SDAD1: variants seen among roughly 807,000 people sequenced by gnomAD.
SDAD1 encodes the protein SDA1 domain containing 1, also known as protein SDA1 homolog.
Under a neutral mutation model 100.3 loss-of-function variants are expected in SDAD1, and 79 were observed. That is an observed-to-expected ratio of 0.79 (90% CI 0.66 to 0.95). The LOEUF (loss-of-function observed/expected upper bound fraction) is 0.95, where lower values mean the gene tolerates loss of function less well. Ranked by LOEUF, SDAD1 falls within the 40% of genes least tolerant of loss-of-function variation. SDAD1 has a pLI of 0.00. For synonymous variants in SDAD1, 267 were observed against 271.4 expected (o/e 0.98, Z 0.16); for missense variants, 790 against 810.9 (o/e 0.97, Z 0.31).
rs1729414106 is a variant in SDAD1, at chr4:75,964,272, A to G, written c.1105-61T>C. On this transcript the variant is annotated intron_variant, in intron 13 of 21. Coordinates refer to ENST00000356260, the MANE Select transcript of SDAD1 (RefSeq NM_018115.4). The stretch of plus-strand genomic sequence containing the variant: ...AAATGTCTGCATACACAAACACATA[A>G]GAATGAAAGGACAATAGATTATTCA... 2.8e-6 allele frequency: 3 copies of G among 1,077,588 alleles called. No individual in the cohort carries two copies. In the East Asian group the frequency reaches 7.4e-5, roughly 27 times the overall value. The allele number at this position is 1,077,588 out of a possible 1,614,324, so 66.8% of individuals were successfully genotyped here.
chr4:75,974,043 A>G, intron 7 of SDAD1, 33 bp downstream of exon 7: 1 of 1,592,694 alleles, frequency 6.3e-7, no homozygotes, highest in Non-Finnish European at 8.6e-7. Flanking sequence ...CCATCCACAG[A>G]CAGAGCTTAC....
intron 4 of SDAD1, among the ~76,000 whole-genome samples, chr4:75,977,021 A>C (rs9992952): frequency 0.67 from 101,755 of 152,028 alleles, 34,900 homozygotes; most frequent in East Asian, 0.93. Context: ...AAACTCCTGG[A>C]CTCAAGTGAT....
intron 3 of SDAD1, among the ~76,000 whole-genome samples, chr4:75,978,079 C>T (rs534803084): frequency 2.3e-4 from 35 of 152,196 alleles, no homozygotes; most frequent in African/African-American, 7.9e-4. Flanking sequence ...TGTCATCATA[C>T]GGCAAAACCC....
At chr4:75,990,638 CTAACAGAAGAA>C in intron 1 of SDAD1, 103 bp downstream of exon 1, 2 of 1,599,806 alleles carry the variant, frequency 1.3e-6, no homozygotes, top group Non-Finnish European at 1.7e-6. Context: ...ACCCCTGAAC[CTAACAGAAGAA>C]TAGGCGGCGA....
At chr4:75,986,606 A>G (rs1232316781) in intron 1 of SDAD1, among the ~76,000 whole-genome samples, 1 of 152,092 alleles carries the variant, frequency 6.6e-6, no homozygotes, top group Non-Finnish European at 1.5e-5. Context: ...ATGTCACTCA[A>G]TCAAGGTCTT....
intron 6 of SDAD1, among the ~76,000 whole-genome samples, chr4:75,975,513 A>G (rs1169795673): frequency 6.6e-6 from 1 of 152,172 alleles, no homozygotes; most frequent in Non-Finnish European, 1.5e-5. Flanking sequence ...TCTGTTCTCA[A>G]GTTGTTCTAA....
chr4:75,969,540 C>A (rs1729746118), intron 10 of SDAD1, 141 bp from the exon 11 acceptor site: 2 of 558,470 alleles, frequency 3.6e-6, no homozygotes, highest in Admixed American at 6.5e-5. Flanking sequence ...GTAATGGTGC[C>A]CAAAGTTAAG....
Position 75,950,160 on chromosome 4 carries a change from C to G in SDAD1, c.*590G>C, listed in dbSNP as rs975166513. 7.1e-6 allele frequency: 1 copy of G among 141,370 alleles called. No individual in the cohort carries two copies. Among genetic ancestry groups the G allele is most frequent in the Non-Finnish European group, 1.5e-5 (1 of 65,704 alleles). The allele number at this position is 141,370 out of a possible 1,614,324, so 8.8% of individuals were successfully genotyped here. ...GGGGGGGGGGGGGTCACTTAAATCT[C>G]TTGGATTGACTAAAAGAGCTAAATT... On this transcript the variant is annotated 3_prime_UTR_variant, in exon 22 of 22. Transcript: ENST00000356260.
chr4:75,974,192 C>A (rs1730025320), intron 6 of SDAD1, 59 bp from the exon 7 acceptor site: 2 of 1,275,538 alleles, frequency 1.6e-6, no homozygotes, highest in Non-Finnish European at 2.3e-6. Flanking sequence ...TTTCATAGCA[C>A]AGACAATGGC....
chr4:75,981,719 T>G (rs141440599), intron 2 of SDAD1, among the ~76,000 whole-genome samples: 57 of 152,314 alleles, frequency 3.7e-4, no homozygotes, highest in African/African-American at 1.3e-3. Flanking sequence ...AAAAAAATAG[T>G]CTTAAAGTTT....
intron 3 of SDAD1, chr4:75,980,956 T>A (rs778359894): frequency 6.3e-6 from 1 of 158,720 alleles, no homozygotes; most frequent in Non-Finnish European, 1.4e-5. Flanking sequence ...TCAAACTGAC[T>A]GTCTAATGGG....
At chr4:75,973,471 A>C (rs1729982759) in intron 7 of SDAD1, 80 bp from the exon 8 acceptor site, 2 of 964,306 alleles carry the variant, frequency 2.1e-6, no homozygotes, top group Non-Finnish European at 3.3e-6. Flanking sequence ...TGCTTTATAC[A>C]TGTGCATGAA....
In SDAD1 at chr4:75,960,123, T is replaced by C. The variant is rs773128775; in HGVS notation, c.1426A>G (p.Ile476Val). ...EYGELDAKDYIPGAEVLEVEK... is the reference protein window; with the variant it reads ...EYGELDAKDYVPGAEVLEVEK... ...ACTTCCAGAACTTCTGCTCCTGGAATGTAATCTTTAGCATCTAATTCTCCA... is the reference window on the plus strand; with the variant it reads ...ACTTCCAGAACTTCTGCTCCTGGAACGTAATCTTTAGCATCTAATTCTCCA... The change falls in exon 17 of 22, where the codon ATT (isoleucine) becomes GTT (valine). Residue 476 changes from isoleucine to valine, a missense_variant. By Grantham distance (29) the Ile-to-Val change is conservative. Coordinates refer to ENST00000356260, the MANE Select transcript of SDAD1 (RefSeq NM_018115.4). 3 of 1,612,018 alleles carry C rather than the reference T, an allele frequency of 1.9e-6. No individual in the cohort carries two copies. The highest frequency in any genetic ancestry group is 2.5e-6 in the Non-Finnish European group (3 of 1,179,462).
At chr4:75,959,558 C>T (rs1359825938) in intron 17 of SDAD1, among the ~76,000 whole-genome samples, 2 of 151,664 alleles carry the variant, frequency 1.3e-5, no homozygotes, top group South Asian at 2.1e-4. Flanking sequence ...GAGCTGAGAT[C>T]GTACCACTGC....
intron 10 of SDAD1, among the ~76,000 whole-genome samples, chr4:75,969,727 C>T (rs912494032): frequency 2.0e-5 from 3 of 152,152 alleles, no homozygotes; most frequent in Non-Finnish European, 4.4e-5. Flanking sequence ...CCCCACCTCC[C>T]CAGGTGATCT....
chr4:75,964,068 T>C, intron 14 of SDAD1, 67 bp downstream of exon 14: 5 of 1,036,674 alleles, frequency 4.8e-6, no homozygotes, highest in Admixed American at 3.6e-5. Context: ...TCTTACATCT[T>C]GGTAACTTAT....
intron 10 of SDAD1, among the ~76,000 whole-genome samples, chr4:75,969,610 C>T (rs557848358): frequency 5.9e-5 from 9 of 152,240 alleles, no homozygotes; most frequent in East Asian, 1.9e-4. Context: ...GACAGGTGCT[C>T]GCTTCACTTA....
At chr4:75,972,664 T>TA (rs397690523) in intron 8 of SDAD1, among the ~76,000 whole-genome samples, 19 of 151,106 alleles carry the variant, frequency 1.3e-4, no homozygotes, top group Admixed American at 5.9e-4. Flanking sequence ...TTTTTTTTTT[T>TA]AGAAATTCTT....
intron 1 of SDAD1, 115 bp downstream of exon 1, chr4:75,990,637 C>A (rs1731203013): frequency 2.5e-6 from 4 of 1,599,532 alleles, no homozygotes; most frequent in Admixed American, 1.7e-5. Flanking sequence ...GACCCCTGAA[C>A]CTAACAGAAG....
Sources: gnomAD v4.1 joint callset for allele counts (sites outside exome capture counted in the v4.1 genomes callset) on GRCh38, gnomAD v4.1.1 for gene constraint, MANE v1.5 for transcripts, NCBI Gene and HGNC (gene_info 2026-07-23, HGNC 2026-07-21) for gene names.